GC: variants seen among roughly 807,000 people sequenced by gnomAD.
GC encodes the protein vitamin D-binding protein.
Under a neutral mutation model 56.7 loss-of-function variants are expected in GC, and 43 were observed. The ratio of observed to expected loss-of-function variants is 0.76; its 90% CI spans 0.59 to 0.98. GC has a LOEUF of 0.98. Among genes scored for constraint, GC ranks in the 50% least tolerant of loss-of-function variants. The probability of loss-of-function intolerance (pLI) is 0.00; values close to 1 mark genes in which losing one functional copy is unlikely to be tolerated. For missense variants in GC, 529 were observed against 545.9 expected (o/e 0.97, Z 0.31); for synonymous variants, 216 against 202.7 (o/e 1.07, Z -0.56).
At chr4:71,792,702 A>G (rs980057305) in intron 1 of GC, among the ~76,000 whole-genome samples, 1 of 151,906 alleles carries the variant, frequency 6.6e-6, no homozygotes, top group Non-Finnish European at 1.5e-5. Flanking sequence ...TTGTTGCCAT[A>G]GCTTTTGGTG....
At chr4:71,744,639 AAC>A (rs1741302286) in intron 12 of GC, among the ~76,000 whole-genome samples, 1 of 152,198 alleles carries the variant, frequency 6.6e-6, no homozygotes, top group South Asian at 2.1e-4. Context: ...TCTGAATAAT[AAC>A]ACAGTCCAGT....
At chr4:71,805,105 C>G (rs907190708), upstream of GC, among the ~76,000 whole-genome samples, 14 of 152,112 alleles carry the variant, frequency 9.2e-5, no homozygotes, top group African/African-American at 3.1e-4. Context: ...AGCTCTAGGT[C>G]TAGCATGCCT....
intron 3 of GC, among the ~76,000 whole-genome samples, chr4:71,766,351 G>A (rs776722022): frequency 6.6e-6 from 1 of 152,180 alleles, no homozygotes; most frequent in Admixed American, 6.5e-5. Context: ...GAAAACCACT[G>A]ATGCACCTGC....
At position 71,771,502 on chromosome 4, in the gene GC, A is replaced by G. The variant is rs1177936586; in HGVS notation, c.59-2102T>C. 4.6e-5 allele frequency among the ~76,000 whole-genome samples: 7 copies of G among 152,106 alleles called. No homozygotes were observed. The East Asian group carries it at 1.4e-3, about 29-fold the overall frequency. ...CGGATTTGATAATTGTGAGAAAAAG[A>G]CATTCTTCAGCAGCACTTTTTAACA... On this transcript the variant is annotated intron_variant, in intron 1 of 12. Transcript: ENST00000273951.
At chr4:71,761,313 G>A (rs1741967570) in intron 6 of GC, among the ~76,000 whole-genome samples, 1 of 152,166 alleles carries the variant, frequency 6.6e-6, no homozygotes. Context: ...CTTTGAACTT[G>A]AGGAAAATAA....
At chr4:71,797,303 G>A (rs755259858) in intron 1 of GC, among the ~76,000 whole-genome samples, 1 of 152,258 alleles carries the variant, frequency 6.6e-6, no homozygotes, top group Non-Finnish European at 1.5e-5. Flanking sequence ...GGTGACATCT[G>A]TAGAGGCAGT....
chr4:71,748,764 ACCCATGTAATGAAAC>A (rs957064262), intron 11 of GC, among the ~76,000 whole-genome samples: 5 of 152,120 alleles, frequency 3.3e-5, no homozygotes, highest in African/African-American at 1.2e-4. Flanking sequence ...AGGGGTAGAT[ACCCATGTAATGAAAC>A]ACTAAGTATG....
At chr4:71,751,894 A>G (rs1246692902) in intron 11 of GC, among the ~76,000 whole-genome samples, 1 of 152,210 alleles carries the variant, frequency 6.6e-6, no homozygotes, top group Non-Finnish European at 1.5e-5. Flanking sequence ...GTTTTTAGAA[A>G]ATAACTCTTA....
intron 9 of GC, 138 bp downstream of exon 9, chr4:71,754,840 T>C (rs79444700): frequency 0.03 from 17,838 of 596,422 alleles, 375 homozygotes; most frequent in Non-Finnish European, 0.04. Context: ...TTCCCAACAA[T>C]GTAAAAATGT....
chr4:71,751,593 G>A (rs1741557831), intron 11 of GC, among the ~76,000 whole-genome samples: 1 of 152,078 alleles, frequency 6.6e-6, no homozygotes, highest in Admixed American at 6.6e-5. Flanking sequence ...AGAGAAAGGA[G>A]GAGGGGAATA....
chr4:71,742,039 A>G (rs1050310511), intron 12 of GC, among the ~76,000 whole-genome samples, 169 bp from the exon 13 acceptor site: 1 of 152,246 alleles, frequency 6.6e-6, no homozygotes, highest in Non-Finnish European at 1.5e-5. Context: ...TCATAGGTCC[A>G]GAATAAGAAA....
Position 71,756,763 on chromosome 4 carries a change from A to C in GC, c.983T>G (p.Leu328Trp). Residue 328 changes from leucine (L) to tryptophan (W), a missense_variant, in exon 8 of 13, where the codon TTG (leucine) becomes TGG (tryptophan). Transcript: ENST00000273951. Reference protein sequence around the residue: ...AQLPELPDVELPTNKDVCDPG... With the variant: ...AQLPELPDVEWPTNKDVCDPG... ...ATCACACACATCTTTGTTTGTGGGC[A>C]ACTCTACATCTGGAAGCTCGGGGAG... is the stretch of plus-strand genomic sequence containing the variant. 2 of 1,613,998 alleles carry C rather than the reference A, an allele frequency of 1.2e-6. No homozygotes were observed. Among genetic ancestry groups the C allele is most frequent in the East Asian group, 2.2e-5 (1 of 44,878 alleles).
chr4:71,798,666 G>A (rs1341917604), intron 1 of GC, among the ~76,000 whole-genome samples: 1 of 152,176 alleles, frequency 6.6e-6, no homozygotes, highest in African/African-American at 2.4e-5. Flanking sequence ...GACTTTATAA[G>A]AGTGAGTCTA....
chr4:71,803,769 AT>A (rs2149312074), intron 1 of GC, among the ~76,000 whole-genome samples: 1 of 152,358 alleles, frequency 6.6e-6, no homozygotes, highest in East Asian at 1.9e-4. Flanking sequence ...TTCCTTGACA[AT>A]CGAGAAATCA....
At chr4:71,765,755 A>G (rs1742136103) in intron 3 of GC, 112 bp from the exon 4 acceptor site, 1 of 672,870 alleles carries the variant, frequency 1.5e-6, no homozygotes, top group Non-Finnish European at 2.6e-6. Flanking sequence ...ATTTATAACT[A>G]TGTATTCATG....
chr4:71,762,903 A>T (rs1396985226), intron 6 of GC, among the ~76,000 whole-genome samples: 1 of 152,194 alleles, frequency 6.6e-6, no homozygotes, highest in East Asian at 1.9e-4. Flanking sequence ...TGTCTTTATC[A>T]GCGGAGTGAA....
intron 1 of GC, among the ~76,000 whole-genome samples, chr4:71,793,563 G>A (rs951766293): frequency 3.9e-5 from 6 of 152,248 alleles, no homozygotes; most frequent in Admixed American, 1.3e-4. Flanking sequence ...GGGCTGAGAC[G>A]ATGGGGTTTT....
chr4:71,793,851 C>G (rs868630164), intron 1 of GC, among the ~76,000 whole-genome samples: 1 of 151,896 alleles, frequency 6.6e-6, no homozygotes, highest in African/African-American at 2.4e-5. Flanking sequence ...GTTTATTGAG[C>G]GTTTTTAGCA....
At chr4:71,743,651 T>G (rs1299065911) in intron 12 of GC, among the ~76,000 whole-genome samples, 1 of 152,192 alleles carries the variant, frequency 6.6e-6, no homozygotes, top group Non-Finnish European at 1.5e-5. Flanking sequence ...AGATAAGTGG[T>G]AAAGTTGTGG....
Sources: allele counts gnomAD v4.1 joint callset (sites outside exome capture counted in the v4.1 genomes callset), GRCh38; gene constraint gnomAD v4.1.1; transcripts MANE v1.5; gene names NCBI Gene and HGNC (gene_info 2026-07-23, HGNC 2026-07-21).